DNAJC6: variants seen among roughly 807,000 people sequenced by gnomAD.
DNAJC6 encodes auxilin.
DNAJC6 carries 34 observed loss-of-function variants against 110.0 expected under a neutral mutation model. That is an observed-to-expected ratio of 0.31 (90% CI 0.24 to 0.41). The LOEUF (loss-of-function observed/expected upper bound fraction) is 0.41, where lower values mean the gene tolerates loss of function less well. DNAJC6 is among the 10% of genes least tolerant of loss of function. The probability of loss-of-function intolerance (pLI) is 1.00; values close to 1 mark genes in which losing one functional copy is unlikely to be tolerated. For synonymous variants in DNAJC6, 406 were observed against 437.2 expected (o/e 0.93, Z 0.89); for missense variants, 1,031 against 1,207.8 (o/e 0.85, Z 2.17).
At chr1:65,276,174 G>A (rs1266708807) in intron 1 of DNAJC6, among the ~76,000 whole-genome samples, 1 of 152,120 alleles carries the variant, frequency 6.6e-6, no homozygotes, top group Non-Finnish European at 1.5e-5. Flanking sequence ...GGGCCACCGC[G>A]CCCAGCCTCT....
chr1:65,334,446 G>C (rs1645316954), intron 1 of DNAJC6, among the ~76,000 whole-genome samples: 1 of 152,224 alleles, frequency 6.6e-6, no homozygotes, highest in African/African-American at 2.4e-5. Flanking sequence ...GAACTGCAAA[G>C]AGTTTCCCTG....
At chr1:65,389,789 G>T (rs577037968) in intron 11 of DNAJC6, among the ~76,000 whole-genome samples, 162 bp downstream of exon 11, 1 of 152,276 alleles carries the variant, frequency 6.6e-6, no homozygotes, top group South Asian at 2.1e-4. Context: ...GGAAGGCCAG[G>T]ATAGGAAGGC....
intron 7 of DNAJC6, among the ~76,000 whole-genome samples, chr1:65,386,380 T>A (rs1029963262): frequency 6.6e-6 from 1 of 152,082 alleles, no homozygotes; most frequent in African/African-American, 2.4e-5. Context: ...TGAAATTAGT[T>A]AGGAATAGAT....
At chr1:65,380,142 T>C (rs1645803562) in intron 5 of DNAJC6, among the ~76,000 whole-genome samples, 1 of 152,244 alleles carries the variant, frequency 6.6e-6, no homozygotes, top group African/African-American at 2.4e-5. Context: ...TCTGTGGCTT[T>C]TAATACTCTG....
At chr1:65,305,412 CAA>C (rs775860552), upstream of DNAJC6, among the ~76,000 whole-genome samples, 14 of 152,168 alleles carry the variant, frequency 9.2e-5, no homozygotes, top group Non-Finnish European at 1.8e-4. Context: ...AAACCCAAAA[CAA>C]TATTTTAAGA....
At chr1:65,276,940 G>A (rs1175599982) in intron 1 of DNAJC6, among the ~76,000 whole-genome samples, 1 of 152,124 alleles carries the variant, frequency 6.6e-6, no homozygotes, top group East Asian at 1.9e-4. Flanking sequence ...ATAGGAAAAT[G>A]GGCTTGCAGA....
intron 1 of DNAJC6, among the ~76,000 whole-genome samples, chr1:65,351,246 G>T (rs905796407): frequency 6.6e-6 from 1 of 152,130 alleles, no homozygotes; most frequent in African/African-American, 2.4e-5. Flanking sequence ...AAAGATCTCA[G>T]TCCTTCTTAG....
In DNAJC6 at chr1:65,412,938, C is replaced by G. The variant is rs1348682401; in HGVS notation, c.2826C>G (p.Pro942=). 6.2e-7 allele frequency: 1 copy of G among 1,613,932 alleles called. No homozygotes were observed. Among genetic ancestry groups the G allele is most frequent in the Non-Finnish European group, 8.5e-7 (1 of 1,179,974 alleles). Residue 942 remains proline, a synonymous_variant, in exon 19 of 19, where the codon CCC becomes CCG. Transcript: ENST00000371069. ...TTTCTCTACAGGCTACTGGGCAACC[C>G]TATGAACAATACGCAAAGATGATTT... ...VVHPDKATGQ[P]YEQYAKMIFM...
rs1309763646 is a variant in DNAJC6, at chr1:65,414,767, G to A, written c.*1742G>A. The A allele has an allele frequency of 6.6e-6, 1 of 152,576 alleles. No individual in the cohort carries two copies. The highest frequency in any genetic ancestry group is 6.5e-5 in the Admixed American group (1 of 15,274). The allele number at this position is 152,576 out of a possible 1,614,324, so 9.5% of individuals were successfully genotyped here. On this transcript the variant is annotated 3_prime_UTR_variant, in exon 19 of 19. Transcript: ENST00000371069. Reference sequence around the variant, plus strand: ...TAAAATAATGTTTGATCCAGTATGTGCTTGTCTTATTTAAAATTGGAATGT... The same window carrying A: ...TAAAATAATGTTTGATCCAGTATGTACTTGTCTTATTTAAAATTGGAATGT...
intron 5 of DNAJC6, among the ~76,000 whole-genome samples, chr1:65,380,705 AC>A (rs1439358517): frequency 6.6e-6 from 1 of 152,086 alleles, no homozygotes; most frequent in Non-Finnish European, 1.5e-5. Flanking sequence ...CTCAATGGAG[AC>A]CAGAAACTCC....
At chr1:65,378,454 T>C (rs2101586697) in intron 4 of DNAJC6, among the ~76,000 whole-genome samples, 1 of 152,356 alleles carries the variant, frequency 6.6e-6, no homozygotes, top group South Asian at 2.1e-4. Context: ...GATACTGAGC[T>C]AAGCTCTTGA....
intron 1 of DNAJC6, among the ~76,000 whole-genome samples, chr1:65,283,407 A>G (rs2101195349): frequency 6.6e-6 from 1 of 152,270 alleles, no homozygotes; most frequent in East Asian, 1.9e-4. Context: ...AGGTATCCCC[A>G]AGATTGCCTT....
chr1:65,343,181 A>G (rs906629956), intron 1 of DNAJC6, among the ~76,000 whole-genome samples: 2 of 152,150 alleles, frequency 1.3e-5, no homozygotes, highest in Non-Finnish European at 2.9e-5. Context: ...TGCCTGATAC[A>G]CATTCCTCTC....
At chr1:65,337,935 T>C (rs183012881) in intron 1 of DNAJC6, among the ~76,000 whole-genome samples, 112 of 152,340 alleles carry the variant, frequency 7.4e-4, no homozygotes, top group Non-Finnish European at 1.1e-3. Flanking sequence ...AGCTAGCTCC[T>C]GAATGCTTCT....
chr1:65,369,569 T>G (rs916441334), intron 4 of DNAJC6, among the ~76,000 whole-genome samples: 17 of 152,114 alleles, frequency 1.1e-4, no homozygotes, highest in Non-Finnish European at 2.2e-4. Flanking sequence ...TTCATAAGGG[T>G]GTATAAGGTC....
rs10711968 is a variant in DNAJC6 at position 65,316,925 on chromosome 1, CTT to C, written c.193+6998_193+6999del. Among the ~76,000 whole-genome samples the C allele has an allele frequency of 4.9e-3, 733 of 148,460 alleles. 32 individuals are homozygous for C. Among genetic ancestry groups the C allele is most frequent in the Admixed American group, 0.043 (648 of 14,954 alleles). ...ACTGTATGATTCATCATAAAGGTCACTTTTTTTTTTTTAGCCAAAAAAGGAAA... is the reference window on the plus strand; with the variant it reads ...ACTGTATGATTCATCATAAAGGTCACTTTTTTTTTTAGCCAAAAAAGGAAA... On this transcript the variant is annotated intron_variant, in intron 1 of 18. Transcript: ENST00000371069.
chr1:65,289,033 A>G (rs1654109580), intron 1 of DNAJC6, among the ~76,000 whole-genome samples: 1 of 152,184 alleles, frequency 6.6e-6, no homozygotes, highest in Non-Finnish European at 1.5e-5. Context: ...TTGGTTATAT[A>G]TGTTAAAAAT....
intron 11 of DNAJC6, among the ~76,000 whole-genome samples, chr1:65,390,323 C>T (rs1645914622): frequency 6.6e-6 from 1 of 152,172 alleles, no homozygotes; most frequent in South Asian, 2.1e-4. Context: ...CCCAGGGAGC[C>T]TTAACCACTA....
At chr1:65,367,349 A>G (rs1277136012) in intron 4 of DNAJC6, among the ~76,000 whole-genome samples, 1 of 152,226 alleles carries the variant, frequency 6.6e-6, no homozygotes, top group African/African-American at 2.4e-5. Flanking sequence ...TTGCCATTCT[A>G]TAATGAAGAT....
Sources: gnomAD v4.1 joint callset for allele counts (sites outside exome capture counted in the v4.1 genomes callset) on GRCh38, gnomAD v4.1.1 for gene constraint, MANE v1.5 for transcripts, NCBI Gene and HGNC (gene_info 2026-07-23, HGNC 2026-07-21) for gene names.